BACE2: variants seen among roughly 807,000 people sequenced by gnomAD.
BACE2 encodes beta-secretase 2.
In BACE2, 17 loss-of-function variants were observed where a neutral mutation model predicts 46.2. The observed-to-expected ratio is 0.37, with a 90% CI of 0.25 to 0.55. The LOEUF is 0.55. Ranked by LOEUF, BACE2 falls within the 20% of genes least tolerant of loss-of-function variation. BACE2 has a pLI of 0.82. For synonymous variants in BACE2, 277 were observed against 295.9 expected, an observed-to-expected ratio of 0.94 and a Z score of 0.66; for missense variants, 595 against 698.1, an observed-to-expected ratio of 0.85 and a Z score of 1.66.
chr21:41,227,500 A>C (rs777931583), intron 2 of BACE2, among the ~76,000 whole-genome samples: 1 of 152,212 alleles, frequency 6.6e-6, no homozygotes, highest in African/African-American at 2.4e-5. Flanking sequence ...TGTATGAAAG[A>C]AAGCATAGAG....
rs1984464578 is a variant in BACE2 at position 41,168,485 on chromosome 21, C to T, written c.222C>T (p.Ala74=). The T allele has an allele frequency of 7.2e-7, 1 of 1,391,508 alleles. No homozygotes were observed. The allele number at this position is 1,391,508 out of a possible 1,614,324, so 86.2% of individuals were successfully genotyped here. A position where few individuals can be genotyped will look rare whatever the true frequency, so the allele number is the denominator to read the frequency against. The change falls in exon 1 of 9, where the codon GCC becomes GCT. Residue 74 remains alanine, a synonymous_variant. Coordinates refer to ENST00000330333, the MANE Select transcript of BACE2 (RefSeq NM_012105.5). The part of the protein sequence containing the change: ...LEPALASPAG[A]ANFLAMVDNL... ...CTGCCCTGGCGTCCCCCGCGGGCGC[C>T]GCCAACTTCTTGGCCATGGTAGACA...
intron 7 of BACE2, among the ~76,000 whole-genome samples, chr21:41,256,180 T>C (rs1392199529): frequency 6.6e-6 from 1 of 152,148 alleles, no homozygotes; most frequent in East Asian, 1.9e-4. Flanking sequence ...CATGGTGATT[T>C]GTTGCGCCCA....
At chr21:41,219,577 C>T (rs1195484323) in intron 1 of BACE2, among the ~76,000 whole-genome samples, 2 of 152,144 alleles carry the variant, frequency 1.3e-5, no homozygotes, top group Non-Finnish European at 1.5e-5. Context: ...TATTTAAGAG[C>T]AGAAAAAGAG....
rs1054781041 is a variant in BACE2 at position 41,193,208 on chromosome 21, A to G, written c.312+24633A>G. Among the ~76,000 whole-genome samples the G allele has an allele frequency of 1.3e-5, 2 of 152,210 alleles. No individual in the cohort carries two copies. Among genetic ancestry groups the G allele is most frequent in the African/African-American group, 4.8e-5 (2 of 41,454 alleles). On this transcript the variant is annotated intron_variant, in intron 1 of 8. Coordinates refer to ENST00000330333, the MANE Select transcript of BACE2 (RefSeq NM_012105.5). The surrounding 1 kb of genome is among the most constrained non-coding windows in gnomAD (Gnocchi z 4.2). ...TGTCCTACCCCTGAGGTAGGACAGTAAAGGTGTATTGCCGGCCTTGCCAGC... is the reference window on the plus strand; with the variant it reads ...TGTCCTACCCCTGAGGTAGGACAGTGAAGGTGTATTGCCGGCCTTGCCAGC...
intron 1 of BACE2, chr21:41,184,306 C>G (rs993806814): frequency 6.0e-6 from 1 of 167,118 alleles, no homozygotes; most frequent in Non-Finnish European, 1.5e-5. Context: ...TCATAATTGA[C>G]TGGCTTAACC....
intron 3 of BACE2, among the ~76,000 whole-genome samples, chr21:41,240,917 G>A (rs1426677971): frequency 5.9e-5 from 9 of 152,150 alleles, no homozygotes; most frequent in Non-Finnish European, 1.2e-4. Flanking sequence ...AATCATTCCT[G>A]TGAATGACCA....
At chr21:41,195,005 G>A (rs142138157) in intron 1 of BACE2, among the ~76,000 whole-genome samples, 2,471 of 152,324 alleles carry the variant, frequency 0.016, 41 homozygotes, top group Middle Eastern at 0.068. Context: ...AACGGGTCAA[G>A]GCCTTCACCA....
intron 1 of BACE2, among the ~76,000 whole-genome samples, chr21:41,211,072 G>T (rs1246846755): frequency 6.6e-6 from 1 of 152,010 alleles, no homozygotes; most frequent in Non-Finnish European, 1.5e-5. Flanking sequence ...ATATTGTGTT[G>T]ATTTTTTTTT....
At chr21:41,176,150 T>C (rs1372699895) in intron 1 of BACE2, 2 of 152,242 alleles carry the variant, frequency 1.3e-5, no homozygotes, top group African/African-American at 4.8e-5. Context: ...ATCTATTTCA[T>C]TTGAGAGAAT....
chr21:41,246,012 G>T lies in BACE2; in HGVS notation c.933G>T (p.Leu311=). The T allele has an allele frequency of 6.2e-7, 1 of 1,611,372 alleles. No homozygotes were observed. The highest frequency in any genetic ancestry group is 1.1e-5 in the South Asian group (1 of 90,238). ...ACAGTGGCACCACGCTGCTGCGCCTGCCCCAGAAGGTGTTTGATGCGGTGG... is the reference window on the plus strand; with the variant it reads ...ACAGTGGCACCACGCTGCTGCGCCTTCCCCAGAAGGTGTTTGATGCGGTGG... ...IVDSGTTLLR[L]PQKVFDAVVE... Residue 311 remains leucine, a synonymous_variant, in exon 6 of 9, where the codon CTG becomes CTT. Coordinates refer to ENST00000330333, the MANE Select transcript of BACE2 (RefSeq NM_012105.5).
chr21:41,194,872 G>A (rs1398188734), intron 1 of BACE2, among the ~76,000 whole-genome samples: 1 of 152,244 alleles, frequency 6.6e-6, no homozygotes, highest in Non-Finnish European at 1.5e-5. Context: ...AGCAAAGCAT[G>A]GCAGGACACA....
chr21:41,269,112 G>A (rs2088408563), intron 8 of BACE2, among the ~76,000 whole-genome samples: 1 of 151,972 alleles, frequency 6.6e-6, no homozygotes. Context: ...GTGCCACCAC[G>A]CCTGGCTAAT....
At chr21:41,257,023 G>T (rs1987803808) in intron 7 of BACE2, 135 bp from the exon 8 acceptor site, 2 of 897,778 alleles carry the variant, frequency 2.2e-6, no homozygotes, top group Middle Eastern at 2.3e-4. Context: ...GGCAGGGTGA[G>T]ATCATCTTTC....
intron 6 of BACE2, among the ~76,000 whole-genome samples, chr21:41,247,939 G>C (rs546513919): frequency 7.8e-4 from 118 of 152,156 alleles, no homozygotes; most frequent in Non-Finnish European, 1.5e-3. Flanking sequence ...CAAACCTCTT[G>C]GCGTGGGTTT....
chr21:41,178,333 T>C (rs1436027155), intron 1 of BACE2: 1 of 152,228 alleles, frequency 6.6e-6, no homozygotes, highest in Non-Finnish European at 1.5e-5. Flanking sequence ...GCCAGATGCA[T>C]TAAAGTGTGA....
intron 1 of BACE2, among the ~76,000 whole-genome samples, chr21:41,224,209 A>ATTTTGTT (rs1986740046): frequency 1.0e-5 from 1 of 98,906 alleles, no homozygotes; most frequent in African/African-American, 4.5e-5. Context: ...GCCTATTTTG[A>ATTTTGTT]TTTTTTTTTT....
chr21:41,172,627 TAAG>T (rs935171639), intron 1 of BACE2, among the ~76,000 whole-genome samples: 4 of 152,332 alleles, frequency 2.6e-5, no homozygotes, highest in African/African-American at 9.6e-5. Flanking sequence ...AGTAACTTTT[TAAG>T]AAGAACCATC....
intron 1 of BACE2, among the ~76,000 whole-genome samples, chr21:41,224,170 G>T (rs1986738363): frequency 6.9e-6 from 1 of 145,928 alleles, no homozygotes; most frequent in Non-Finnish European, 1.5e-5. Context: ...TTTTATAATT[G>T]TTGGTAAGAT....
At chr21:41,232,985 C>G (rs1987008426) in intron 2 of BACE2, among the ~76,000 whole-genome samples, 1 of 151,696 alleles carries the variant, frequency 6.6e-6, no homozygotes, top group Non-Finnish European at 1.5e-5. Flanking sequence ...TCTCCTGCCT[C>G]AGCCTCCCGA....
Sources: allele counts gnomAD v4.1 joint callset (sites outside exome capture counted in the v4.1 genomes callset), GRCh38; gene constraint gnomAD v4.1.1; non-coding constraint Gnocchi (gnomAD v3.1); transcripts MANE v1.5; gene names NCBI Gene and HGNC (gene_info 2026-07-23, HGNC 2026-07-21).